The following GNE variants were observed in gnomAD, a reference collection of about 807,000 sequenced individuals.
The protein encoded by GNE is bifunctional UDP-N-acetylglucosamine 2-epimerase/N-acetylmannosamine kinase.
A neutral mutation model predicts 61.8 loss-of-function variants in GNE; 41 were observed. The observed-to-expected ratio is 0.66, with a 90% CI of 0.52 to 0.86. The LOEUF (loss-of-function observed/expected upper bound fraction) is 0.86, where lower values mean the gene tolerates loss of function less well. Among genes scored for constraint, GNE ranks in the 40% least tolerant of loss-of-function variants. The probability of loss-of-function intolerance (pLI) is 0.00; values close to 1 mark genes in which losing one functional copy is unlikely to be tolerated. For missense variants in GNE, 608 were observed against 909.1 expected (o/e 0.67, Z 4.26); for synonymous variants, 264 against 326.4 (o/e 0.81, Z 2.06).
rs2274525 is a variant in GNE at position 36,229,260 on chromosome 9, T to C, written c.983-152A>G. 1.0e-4 allele frequency: 69 copies of C among 684,208 alleles called. No individual in the cohort carries two copies. In the East Asian group the frequency reaches 1.8e-3, roughly 18 times the overall value. 42.4% of individuals were successfully genotyped at this position (684,208 alleles called of 1,614,324 possible). Reference sequence around the variant, plus strand: ...TTAGGGAAAATTCAACTTTTCTACTTTATACCTTTTAAAGTACTCTTGGCA... The same window carrying C: ...TTAGGGAAAATTCAACTTTTCTACTCTATACCTTTTAAAGTACTCTTGGCA... On this transcript the variant is annotated intron_variant, in intron 5 of 11. Transcript: ENST00000642385.
intron 5 of GNE, among the ~76,000 whole-genome samples, chr9:36,229,497 T>A (rs1417639244): frequency 6.6e-6 from 1 of 152,156 alleles, no homozygotes; most frequent in African/African-American, 2.4e-5. Flanking sequence ...GCAGTCACTT[T>A]CCCTCCAGAC....
At chr9:36,255,103 A>G (rs1440723789) in intron 1 of GNE, among the ~76,000 whole-genome samples, 2 of 152,244 alleles carry the variant, frequency 1.3e-5, no homozygotes, top group Admixed American at 6.5e-5. Context: ...ACCTTTGAGT[A>G]ACTGGTAAGT....
intron 5 of GNE, chr9:36,233,716 C>A: frequency 3.1e-6 from 2 of 639,004 alleles, no homozygotes; most frequent in Admixed American, 4.8e-5. Flanking sequence ...ATTACAAAGA[C>A]AATAAAATGT....
intron 1 of GNE, among the ~76,000 whole-genome samples, chr9:36,267,199 C>G (rs1424126963): frequency 6.6e-6 from 1 of 152,116 alleles, no homozygotes; most frequent in African/African-American, 2.4e-5. Flanking sequence ...GGAAGATAAT[C>G]TTTTTGAAAT....
upstream of GNE, among the ~76,000 whole-genome samples, chr9:36,262,130 T>C (rs1185401365): frequency 6.6e-6 from 1 of 152,132 alleles, no homozygotes; most frequent in African/African-American, 2.4e-5. Context: ...ATACGTAATA[T>C]ATATGTACCT....
chr9:36,226,087 T>C (rs923424781), intron 7 of GNE, among the ~76,000 whole-genome samples: 1 of 152,234 alleles, frequency 6.6e-6, no homozygotes, highest in Non-Finnish European at 1.5e-5. Flanking sequence ...TCAATGGGAA[T>C]GCCTCTAGAA....
Position 36,215,019 on chromosome 9 carries a change from G to A in GNE, c.*2346C>T, listed in dbSNP as rs1412869670. The A allele has an allele frequency of 1.3e-5, 2 of 152,166 alleles. No individual in the cohort carries two copies. Among genetic ancestry groups the A allele is most frequent in the East Asian group, 3.9e-4 (2 of 5,182 alleles). 9.4% of individuals were successfully genotyped at this position (152,166 alleles called of 1,614,324 possible). A position where few individuals can be genotyped will look rare whatever the true frequency, so the allele number is the denominator to read the frequency against. On this transcript the variant is annotated 3_prime_UTR_variant, in exon 12 of 12. Transcript: ENST00000642385. ...ACATGATTTCTTAGATCATCTAAAA[G>A]TACCCATAAAAACCTGTCACTAGGG...
intron 8 of GNE, 84 bp downstream of exon 8, chr9:36,223,289 C>T: frequency 7.8e-7 from 1 of 1,280,324 alleles, no homozygotes; most frequent in Non-Finnish European, 1.1e-6. Context: ...CAGACACTGA[C>T]TTGATGCTCA....
chr9:36,254,969 G>A (rs1368383617), intron 1 of GNE, among the ~76,000 whole-genome samples: 2 of 151,890 alleles, frequency 1.3e-5, no homozygotes, highest in African/African-American at 4.8e-5. Context: ...AAATAATTGG[G>A]TTTCTCAGAT....
chr9:36,249,988 T>C (rs1440248556), intron 1 of GNE, among the ~76,000 whole-genome samples: 1 of 152,038 alleles, frequency 6.6e-6, no homozygotes, highest in Admixed American at 6.6e-5. Context: ...AGGAGTGATA[T>C]AAATCAGCTC....
intron 4 of GNE, among the ~76,000 whole-genome samples, chr9:36,234,700 C>G (rs1400881064): frequency 6.6e-6 from 1 of 152,112 alleles, no homozygotes; most frequent in Non-Finnish European, 1.5e-5. Context: ...TTTAATGTCC[C>G]TCTGCTTGCC....
chr9:36,236,783 TA>T, intron 4 of GNE, 48 bp downstream of exon 4: 1 of 1,549,534 alleles, frequency 6.5e-7, no homozygotes, highest in Non-Finnish European at 8.9e-7. Context: ...AATAGAAACA[TA>T]AAATTGGGAA....
At chr9:36,244,359 C>T (rs1829774541) in intron 3 of GNE, among the ~76,000 whole-genome samples, 2 of 152,096 alleles carry the variant, frequency 1.3e-5, no homozygotes, top group Non-Finnish European at 2.9e-5. Flanking sequence ...CCTAATTTGT[C>T]CCCTAGGTAG....
chr9:36,246,469 T>G lies in GNE; in HGVS notation c.178A>C (p.Met60Leu), dbSNP rs770405092. The G allele has an allele frequency of 6.2e-7, 1 of 1,612,136 alleles. No homozygotes were observed. The highest frequency in any genetic ancestry group is 1.1e-5 in the South Asian group (1 of 91,026). The change falls in exon 3 of 12, where the codon ATG becomes CTG. Residue 60 changes from methionine (M) to leucine (L), a missense_variant. Met to Leu is a conservative substitution (Grantham distance 15). Coordinates refer to ENST00000642385, the MANE Select transcript of GNE (RefSeq NM_005476.7). ...ATGTCAAAGTCATCTTGTTCAATCA[T>G]TCGATATGTATTTCTAAAGCCGGGG... ...LIDDYGNTYRMIEQDDFDINT... is the reference protein window; with the variant it reads ...LIDDYGNTYRLIEQDDFDINT...
chr9:36,259,821 C>T (rs1003794487), upstream of GNE, among the ~76,000 whole-genome samples: 2 of 152,008 alleles, frequency 1.3e-5, no homozygotes, highest in Non-Finnish European at 2.9e-5. Context: ...CCACCATGCC[C>T]GGCTAATTTT....
chr9:36,241,773 A>G lies in GNE; in HGVS notation c.616+4258T>C, dbSNP rs190420770. On this transcript the variant is annotated intron_variant, in intron 3 of 11. Transcript: ENST00000642385. ...ATTGTTATATATTAACACTCTGGTT[A>G]CAAAGCTGCAATGTTATATATGGCC... Among the ~76,000 whole-genome samples the G allele has an allele frequency of 5.5e-3, 844 of 152,270 alleles. 9 individuals carry two copies. The highest frequency in any genetic ancestry group is 0.019 in the African/African-American group (787 of 41,536).
At chr9:36,244,583 G>A (rs1563945293) in intron 3 of GNE, among the ~76,000 whole-genome samples, 1 of 151,970 alleles carries the variant, frequency 6.6e-6, no homozygotes, top group African/African-American at 2.4e-5. Context: ...AAGTACTTAT[G>A]GCTTACTGCT....
intron 2 of GNE, among the ~76,000 whole-genome samples, chr9:36,247,659 T>C (rs1462998428): frequency 6.6e-6 from 1 of 152,074 alleles, no homozygotes; most frequent in Non-Finnish European, 1.5e-5. Flanking sequence ...ACTCAAACTT[T>C]CATCTCAGGC....
At chr9:36,249,897 G>A (rs1169036137) in intron 1 of GNE, among the ~76,000 whole-genome samples, 5 of 150,272 alleles carry the variant, frequency 3.3e-5, no homozygotes, top group African/African-American at 1.2e-4. Flanking sequence ...AAAAAAAAAA[G>A]AAGAAGAAAC....
Sources: gnomAD v4.1 joint callset for allele counts (sites outside exome capture counted in the v4.1 genomes callset) on GRCh38, gnomAD v4.1.1 for gene constraint, MANE v1.5 for transcripts, NCBI Gene and HGNC (gene_info 2026-07-23, HGNC 2026-07-21) for gene names.